DLG2: variants seen among roughly 807,000 people sequenced by gnomAD.
DLG2 encodes the protein discs large MAGUK scaffold protein 2.
Under a neutral mutation model 132.5 loss-of-function variants are expected in DLG2, and 45 were observed. That is an observed-to-expected ratio of 0.34 (90% confidence interval 0.27 to 0.44). The LOEUF (loss-of-function observed/expected upper bound fraction) is 0.44, where lower values mean the gene tolerates loss of function less well. Among genes scored for constraint, DLG2 ranks in the 20% least tolerant of loss-of-function variants. The probability of loss-of-function intolerance (pLI) is 1.00; values close to 1 mark genes in which losing one functional copy is unlikely to be tolerated. For missense variants in DLG2, 1,045 were observed against 1,196.9 expected (o/e 0.87, Z 1.87); for synonymous variants, 424 against 419.6 (o/e 1.01, Z -0.13).
chr11:85,615,719 T>G (rs2081288289), intron 2 of DLG2, among the ~76,000 whole-genome samples: 1 of 152,222 alleles, frequency 6.6e-6, no homozygotes, highest in Non-Finnish European at 1.5e-5. Flanking sequence ...TTAGCATCTT[T>G]GGAGGAGAAA....
At chr11:84,339,157 C>T (rs1047568598) in intron 7 of DLG2, among the ~76,000 whole-genome samples, 5 of 152,056 alleles carry the variant, frequency 3.3e-5, no homozygotes, top group African/African-American at 9.7e-5. Context: ...TTTCCCTAGC[C>T]TTCTCTTTGT....
chr11:83,522,402 C>T (rs373003427), intron 21 of DLG2, among the ~76,000 whole-genome samples: 11 of 152,086 alleles, frequency 7.2e-5, no homozygotes, highest in South Asian at 2.1e-4. Context: ...GTGGCCAGAG[C>T]GGTATCCAGT....
chr11:85,200,497 A>G (rs2081382324), intron 4 of DLG2, among the ~76,000 whole-genome samples: 1 of 152,118 alleles, frequency 6.6e-6, no homozygotes, highest in African/African-American at 2.4e-5. Flanking sequence ...CCTCCATCCT[A>G]CAGCGGTTCC....
chr11:83,722,435 G>C (rs1326771746), intron 18 of DLG2, among the ~76,000 whole-genome samples: 1 of 152,174 alleles, frequency 6.6e-6, no homozygotes, highest in South Asian at 2.1e-4. Context: ...GGAGTTGTGG[G>C]AAGTAAATTT....
chr11:85,596,610 G>A, intron 3 of DLG2, among the ~76,000 whole-genome samples: 1 of 152,060 alleles, frequency 6.6e-6, no homozygotes. Flanking sequence ...AGAATAATGG[G>A]TGAAACCACT....
chr11:85,190,638 G>A (rs749068607), intron 4 of DLG2, among the ~76,000 whole-genome samples: 7 of 152,214 alleles, frequency 4.6e-5, no homozygotes, highest in Non-Finnish European at 8.8e-5. Context: ...AAGAAAAAGA[G>A]AAGATCCAAA....
intron 4 of DLG2, among the ~76,000 whole-genome samples, chr11:85,199,488 T>C (rs920381426): frequency 2.0e-5 from 3 of 152,344 alleles, no homozygotes; most frequent in South Asian, 2.1e-4. Context: ...TCAAAGTTCA[T>C]TGAACCAAGC....
At chr11:84,905,656 C>A (rs777476076) in intron 6 of DLG2, among the ~76,000 whole-genome samples, 4 of 152,176 alleles carry the variant, frequency 2.6e-5, no homozygotes, top group Non-Finnish European at 5.9e-5. Flanking sequence ...TCAGGCCAAT[C>A]AAACACCCTC....
At position 84,760,145 on chromosome 11, in the gene DLG2, G is replaced by C. The variant is rs543430195; in HGVS notation, c.358-225414C>G. Among the ~76,000 whole-genome samples the C allele has an allele frequency of 3.7e-4, 57 of 152,160 alleles. No homozygotes were observed. In the East Asian group the frequency reaches 8.5e-3, roughly 23 times the overall value. On this transcript the variant is annotated intron_variant, in intron 6 of 27. Transcript: ENST00000376104. ...TCATCAATTTCTTCTCTTCCCAAAG[G>C]ATTTAGATCAATAGTAGCCAACACA...
intron 4 of DLG2, among the ~76,000 whole-genome samples, chr11:85,200,051 A>C (rs1475820200): frequency 6.6e-6 from 1 of 151,942 alleles, no homozygotes; most frequent in Non-Finnish European, 1.5e-5. Flanking sequence ...TTCTGTACTC[A>C]CCCACATCCA....
intron 7 of DLG2, among the ~76,000 whole-genome samples, chr11:84,527,323 C>T (rs771970670): frequency 1.3e-5 from 2 of 152,146 alleles, no homozygotes; most frequent in Non-Finnish European, 2.9e-5. Context: ...TATGATTGTG[C>T]TCTGGCAACT....
chr11:85,425,615 C>T (rs919967773), intron 3 of DLG2, among the ~76,000 whole-genome samples: 10 of 152,044 alleles, frequency 6.6e-5, no homozygotes, highest in African/African-American at 2.4e-4. Context: ...CTTTCTTAAA[C>T]GTACACCAAA....
chr11:83,769,613 G>C (rs924667914), intron 18 of DLG2, among the ~76,000 whole-genome samples: 1 of 150,380 alleles, frequency 6.6e-6, no homozygotes, highest in Non-Finnish European at 1.5e-5. Flanking sequence ...GCCCAGGCTG[G>C]AGTGCAATGG....
intron 21 of DLG2, among the ~76,000 whole-genome samples, chr11:83,496,566 T>TTAA (rs1197454804): frequency 3.3e-5 from 5 of 152,130 alleles, no homozygotes; most frequent in Admixed American, 2.6e-4. Context: ...AACAGGTAAA[T>TTAA]TAATACATTG....
intron 15 of DLG2, among the ~76,000 whole-genome samples, chr11:83,920,335 G>A (rs1439491545): frequency 2.1e-5 from 2 of 96,522 alleles, no homozygotes; most frequent in African/African-American, 8.7e-5. Flanking sequence ...GGGTTGATAG[G>A]GAAGGTTTAT....
chr11:84,117,287 C>G (rs1378802050), intron 9 of DLG2, among the ~76,000 whole-genome samples: 2 of 152,168 alleles, frequency 1.3e-5, no homozygotes, highest in South Asian at 4.1e-4. Flanking sequence ...TTTAGCCTAA[C>G]CCTCTGGTTG....
At chr11:83,777,475 T>A (rs1048523565) in intron 18 of DLG2, among the ~76,000 whole-genome samples, 1 of 152,250 alleles carries the variant, frequency 6.6e-6, no homozygotes, top group African/African-American at 2.4e-5. Flanking sequence ...GCATCTTTAA[T>A]GTCCTGAAAT....
At chr11:84,567,214 G>A (rs1170071332) in intron 6 of DLG2, among the ~76,000 whole-genome samples, 1 of 151,974 alleles carries the variant, frequency 6.6e-6, no homozygotes, top group Non-Finnish European at 1.5e-5. Flanking sequence ...TAAAAGGAAG[G>A]TATTGAATGT....
At chr11:84,450,637 G>C (rs2099048974) in intron 7 of DLG2, among the ~76,000 whole-genome samples, 1 of 151,670 alleles carries the variant, frequency 6.6e-6, no homozygotes, top group African/African-American at 2.4e-5. Context: ...TAGAAATAAA[G>C]GCAAAGACCA....
Sources: allele counts gnomAD v4.1 joint callset (sites outside exome capture counted in the v4.1 genomes callset), GRCh38; gene constraint gnomAD v4.1.1; transcripts MANE v1.5; gene names NCBI Gene and HGNC (gene_info 2026-07-23, HGNC 2026-07-21).